Variants in UBAP2L observed in about 807,000 individuals in gnomAD.
UBAP2L encodes ubiquitin-associated protein 2-like.
In UBAP2L, 12 loss-of-function variants were observed where a neutral mutation model predicts 130.6. The ratio of observed to expected loss-of-function variants is 0.09; its 90% CI spans 0.06 to 0.15. The LOEUF (loss-of-function observed/expected upper bound fraction) is 0.15. Ranked by LOEUF, UBAP2L falls within the 10% of genes least tolerant of loss-of-function variation. The pLI, the probability that UBAP2L is intolerant of heterozygous loss-of-function variation, is 1.00. For missense variants in UBAP2L, 965 were observed against 1,332.5 expected, an observed-to-expected ratio of 0.72 and a Z score of 4.29; for synonymous variants, 503 against 524.7, an observed-to-expected ratio of 0.96 and a Z score of 0.57.
Position 154,270,585 on chromosome 1 carries a change from C to G in UBAP2L, c.*290C>G. ...TATGGGCCCTGCACTTCCTTTGCTT[C>G]CTCCTGTTCACCCTGGTGGTGTACG... On this transcript the variant is annotated 3_prime_UTR_variant, in exon 27 of 27. Coordinates refer to ENST00000428931, the MANE Select transcript of UBAP2L (RefSeq NM_014847.4). 7.1e-7 allele frequency: 1 copy of G among 1,417,098 alleles called. No homozygotes were observed. The highest frequency in any genetic ancestry group is 9.2e-7 in the Non-Finnish European group (1 of 1,089,820). 87.8% of individuals were successfully genotyped at this position (1,417,098 alleles called of 1,614,324 possible).
At position 154,254,008 on chromosome 1, in the gene UBAP2L, T is replaced by C; in HGVS notation, c.1773T>C (p.Leu591=). 1 of 1,605,216 alleles carries C rather than the reference T, an allele frequency of 6.2e-7. No individual in the cohort carries two copies. The change falls in exon 15 of 27, where the codon CTT becomes CTC. Residue 591 remains leucine (L), a synonymous_variant. Coordinates refer to ENST00000428931, the MANE Select transcript of UBAP2L (RefSeq NM_014847.4). ...CCCAAAATAATGCTCAGGGCCCTCT[T>C]TATGAACAGAGATCCACACAGACTC... ...YTSQNNAQGP[L]YEQRSTQTRR...
chr1:154,234,465 T>C, intron 4 of UBAP2L, 126 bp from the exon 5 acceptor site: 2 of 906,912 alleles, frequency 2.2e-6, no homozygotes, highest in Middle Eastern at 3.0e-4. Flanking sequence ...AGCAAACTAA[T>C]GGAAGTGTTT....
At chr1:154,235,416 A>G in intron 6 of UBAP2L, 125 bp downstream of exon 6, 1 of 593,594 alleles carries the variant, frequency 1.7e-6, no homozygotes, top group East Asian at 3.0e-5. Flanking sequence ...GCAGTGGCAC[A>G]GTCATAGCTC....
Position 154,255,287 on chromosome 1 carries a change from G to A in UBAP2L, c.2045G>A (p.Ser682Asn), listed in dbSNP as rs1482337798. The A allele has an allele frequency of 6.2e-7, 1 of 1,614,200 alleles. No homozygotes were observed. The highest frequency in any genetic ancestry group is 1.3e-5 in the African/African-American group (1 of 75,076). The change falls in exon 17 of 27, where the codon AGT (serine) becomes AAT (asparagine). Residue 682 changes from serine (S) to asparagine (N), a missense_variant. Physicochemically the swap from Ser to Asn is conservative, Grantham distance 46. Coordinates refer to ENST00000428931, the MANE Select transcript of UBAP2L (RefSeq NM_014847.4). ...TCCTCCTTGGGTGGCTTGAGCCACAGTGAGGAGATTCCAAATACTACCACC... is the reference window on the plus strand; with the variant it reads ...TCCTCCTTGGGTGGCTTGAGCCACAATGAGGAGATTCCAAATACTACCACC... ...HSSSLGGLSH[S>N]EEIPNTTTTQ...
chr1:154,241,424 C>CA, intron 8 of UBAP2L, 89 bp from the exon 9 acceptor site: 2 of 1,407,574 alleles, frequency 1.4e-6, no homozygotes, highest in Non-Finnish European at 2.0e-6. Flanking sequence ...TTTTGGCTGC[C>CA]AAAAAAATTA....
At chr1:154,234,481 A>G (rs2148622985) in intron 4 of UBAP2L, 110 bp from the exon 5 acceptor site, 3 of 1,161,674 alleles carry the variant, frequency 2.6e-6, no homozygotes, top group Non-Finnish European at 2.5e-6. Context: ...TGTTTTAGAC[A>G]TGGATGCTGA....
intron 10 of UBAP2L, among the ~76,000 whole-genome samples, chr1:154,243,663 G>A (rs929205829): frequency 6.6e-6 from 1 of 152,094 alleles, no homozygotes; most frequent in Admixed American, 6.5e-5. Context: ...GTTTCACCAT[G>A]TTGGCCAGGC....
upstream of UBAP2L, chr1:154,220,570 G>A: frequency 1.5e-6 from 1 of 686,280 alleles, no homozygotes; most frequent in Non-Finnish European, 2.5e-6. Context: ...TGGCGGACAG[G>A]CAGGAGAGCT....
chr1:154,245,247 A>G (rs758281140), intron 10 of UBAP2L, among the ~76,000 whole-genome samples: 6 of 152,128 alleles, frequency 3.9e-5, no homozygotes, highest in Non-Finnish European at 7.4e-5. Flanking sequence ...CTAGTGACCA[A>G]CCCTCATCCT....
intron 2 of UBAP2L, among the ~76,000 whole-genome samples, 175 bp from the exon 3 acceptor site, chr1:154,227,107 C>T (rs1338406522): frequency 1.3e-5 from 2 of 152,202 alleles, no homozygotes; most frequent in Non-Finnish European, 2.9e-5. Context: ...CAGGCGTGAG[C>T]CACCACCCGC....
At chr1:154,235,358 A>T (rs1006359668) in intron 6 of UBAP2L, 67 bp downstream of exon 6, 35 of 559,390 alleles carry the variant, frequency 6.3e-5, no homozygotes, top group African/African-American at 3.2e-4. Flanking sequence ...GGTCTGCTTT[A>T]TTTTTTTTTT....
In UBAP2L at chr1:154,243,271, G is replaced by A. The variant is rs202084691; in HGVS notation, c.811G>A (p.Ala271Thr). ...TAATGTGTCTTCAGTGCCTCTGCCT[G>A]CGGAGAATGTGACAATCACTGCTGG... ...ASNVSSVPLP[A>T]ENVTITAGQR... The change falls in exon 10 of 27, where the codon GCG becomes ACG. Residue 271 changes from alanine (A) to threonine (T), a missense_variant. Ala to Thr is a moderately conservative substitution (Grantham distance 58, BLOSUM62 0). This residue lies in a region of UBAP2L where 19 missense variants were observed against 52.1 expected (regional missense o/e 0.36). Coordinates refer to ENST00000428931, the MANE Select transcript of UBAP2L (RefSeq NM_014847.4). The A allele has an allele frequency of 4.9e-5, 79 of 1,611,852 alleles. No individual in the cohort carries two copies. The highest frequency in any genetic ancestry group is 1.3e-5 in the Non-Finnish European group (15 of 1,178,422).
intron 18 of UBAP2L, among the ~76,000 whole-genome samples, chr1:154,256,651 A>C (rs780372148): frequency 1.3e-5 from 2 of 152,146 alleles, no homozygotes; most frequent in African/African-American, 2.4e-5. Flanking sequence ...AAAAAATGTA[A>C]AATCAGAATT....
chr1:154,240,935 T>TCCCCCCCCCCCC (rs71096517), intron 8 of UBAP2L, among the ~76,000 whole-genome samples: 1 of 80,740 alleles, frequency 1.2e-5, no homozygotes, highest in African/African-American at 4.3e-5. Context: ...TGTCTGTCTG[T>TCCCCCCCCCCCC]CCCCCCCCCC....
intron 24 of UBAP2L, among the ~76,000 whole-genome samples, chr1:154,262,930 G>A (rs1682043028): frequency 6.6e-6 from 1 of 152,042 alleles, no homozygotes; most frequent in Non-Finnish European, 1.5e-5. Flanking sequence ...TAAGAGGTAG[G>A]TGATGGATAA....
At chr1:154,233,267 G>A (rs1035873853) in intron 4 of UBAP2L, among the ~76,000 whole-genome samples, 2 of 151,598 alleles carry the variant, frequency 1.3e-5, no homozygotes, top group Admixed American at 6.6e-5. Flanking sequence ...CACTCTCCTC[G>A]GCCTCCCAAA....
chr1:154,255,648 A>G (rs1679376826), intron 17 of UBAP2L, 35 bp from the exon 18 acceptor site: 1 of 1,609,484 alleles, frequency 6.2e-7, no homozygotes, highest in Admixed American at 1.7e-5. Flanking sequence ...TAACTATAGC[A>G]CTATGGCTGA....
chr1:154,263,520 C>T (rs1682279223), intron 24 of UBAP2L: 6 of 1,031,932 alleles, frequency 5.8e-6, no homozygotes, highest in African/African-American at 1.7e-5. Flanking sequence ...GCGTTCTTTC[C>T]GTGCATGTCT....
Position 154,237,093 on chromosome 1 carries a change from T to C in UBAP2L, c.660T>C (p.Asn220=), listed in dbSNP as rs989013642. 3.1e-6 allele frequency: 5 copies of C among 1,614,130 alleles called. No individual in the cohort carries two copies. The highest frequency in any genetic ancestry group is 3.4e-6 in the Non-Finnish European group (4 of 1,180,014). ...ATAACTATGGCAATAGCAGCGGCAA[T>C]ACGTGGAACAACACTGGCCACTTTG... is the stretch of plus-strand genomic sequence containing the variant. The part of the protein sequence containing the change: ...TDDNYGNSSG[N]TWNNTGHFEP... The change falls in exon 8 of 27, where the codon AAT becomes AAC. Residue 220 remains asparagine (N), a synonymous_variant. Coordinates refer to ENST00000428931, the MANE Select transcript of UBAP2L (RefSeq NM_014847.4).
Sources: allele counts gnomAD v4.1 joint callset (sites outside exome capture counted in the v4.1 genomes callset), GRCh38; gene constraint gnomAD v4.1.1; regional missense constraint gnomAD v4.1.1; transcripts MANE v1.5; gene names NCBI Gene and HGNC (gene_info 2026-07-23, HGNC 2026-07-21).